SART1: variants seen among roughly 807,000 people sequenced by gnomAD.
SART1 encodes the protein U4/U6.U5 tri-snRNP-associated protein 1.
In SART1, 28 loss-of-function variants were observed where a neutral mutation model predicts 105.0. The ratio of observed to expected loss-of-function variants is 0.27; its 90% CI spans 0.20 to 0.37. The LOEUF (loss-of-function observed/expected upper bound fraction) is 0.37. SART1 is among the 10% of genes least tolerant of loss of function. The pLI is 1.00. For synonymous variants in SART1, 472 were observed against 462.9 expected, an observed-to-expected ratio of 1.02 and a Z score of -0.25; for missense variants, 894 against 1,106.5, an observed-to-expected ratio of 0.81 and a Z score of 2.72.
rs1691157132 is a variant in SART1 at position 65,978,393 on chromosome 11, A to G, written c.2173-207A>G. On this transcript the variant is annotated intron_variant, in intron 17 of 19. Transcript: ENST00000312397. The surrounding 1 kb of genome is among the most constrained non-coding windows in gnomAD (Gnocchi z 6.8). ...CCATGCTCTGCCCCCATGGCAGCGC[A>G]TCCACTAGCCAAGCTGGTCTCCCGG... 1.7e-6 allele frequency: 1 copy of G among 589,336 alleles called. No individual in the cohort carries two copies. Among genetic ancestry groups the G allele is most frequent in the African/African-American group, 1.9e-5 (1 of 53,622 alleles). 36.5% of individuals were successfully genotyped at this position (589,336 alleles called of 1,614,324 possible).
chr11:65,976,058 G>A lies in SART1; in HGVS notation c.1573-337G>A, dbSNP rs1451124880. Among the ~76,000 whole-genome samples, 1 of 152,144 alleles carries A rather than the reference G, an allele frequency of 6.6e-6. No individual in the cohort carries two copies. The highest frequency in any genetic ancestry group is 1.9e-4 in the East Asian group (1 of 5,188). Reference sequence around the variant, plus strand: ...GAAACCGGAGTTTGTCGGGGGAGGGGCAGGTGGCAGGAGGGAGCCTGGAGG... The same window carrying A: ...GAAACCGGAGTTTGTCGGGGGAGGGACAGGTGGCAGGAGGGAGCCTGGAGG... On this transcript the variant is annotated intron_variant, in intron 12 of 19. Coordinates refer to ENST00000312397, the MANE Select transcript of SART1 (RefSeq NM_005146.5). This position sits in a 1 kb window ranked among gnomAD's most constrained non-coding sequence, Gnocchi z 5.1.
chr11:65,963,994 T>C, intron 1 of SART1, 80 bp from the exon 2 acceptor site: 1 of 1,298,650 alleles, frequency 7.7e-7, no homozygotes, highest in Non-Finnish European at 1.1e-6. Context: ...GCCCTCATTT[T>C]TGTTCCTGCA....
At chr11:65,965,627 C>T in intron 5 of SART1, 75 bp from the exon 6 acceptor site, 2 of 1,494,078 alleles carry the variant, frequency 1.3e-6, no homozygotes, top group African/African-American at 1.4e-5. Flanking sequence ...TTGCACTCCG[C>T]TTGGTAGAGC....
At chr11:65,973,001 T>G (rs1855410916) in intron 12 of SART1, among the ~76,000 whole-genome samples, 1 of 151,890 alleles carries the variant, frequency 6.6e-6, no homozygotes, top group Admixed American at 6.6e-5. Context: ...AAACCCTGTC[T>G]CTACTAAAAA....
chr11:65,971,849 A>G (rs1263933147), intron 12 of SART1, among the ~76,000 whole-genome samples: 1 of 152,088 alleles, frequency 6.6e-6, no homozygotes, highest in Non-Finnish European at 1.5e-5. Context: ...TGGTTGAAGA[A>G]TTACTGGATT....
At chr11:65,968,821 G>GACA (rs1333453874) in intron 12 of SART1, among the ~76,000 whole-genome samples, 2 of 152,204 alleles carry the variant, frequency 1.3e-5, no homozygotes, top group African/African-American at 4.8e-5. Flanking sequence ...GGGGAGCCTT[G>GACA]ACCCCATGGT....
chr11:65,978,386 G>A lies in SART1; in HGVS notation c.2173-214G>A. 1.7e-6 allele frequency: 1 copy of A among 585,750 alleles called. No homozygotes were observed. Among genetic ancestry groups the A allele is most frequent in the Non-Finnish European group, 3.1e-6 (1 of 327,588 alleles). The allele number at this position is 585,750 out of a possible 1,614,324, so 36.3% of individuals were successfully genotyped here. ...AGGTTCCCCATGCTCTGCCCCCATG[G>A]CAGCGCATCCACTAGCCAAGCTGGT... is the stretch of plus-strand genomic sequence containing the variant. On this transcript the variant is annotated intron_variant, in intron 17 of 19. Transcript: ENST00000312397. This position sits in a 1 kb window ranked among gnomAD's most constrained non-coding sequence, Gnocchi z 6.8.
chr11:65,980,110 CAAAA>C lies in SART1; in HGVS notation c.*1085_*1088del, dbSNP rs35831021. Among the ~76,000 whole-genome samples, 1 of 151,142 alleles carries C rather than the reference CAAAA, an allele frequency of 6.6e-6. No individual in the cohort carries two copies. Among genetic ancestry groups the C allele is most frequent in the African/African-American group, 2.4e-5 (1 of 41,098 alleles). On this transcript the variant is annotated 3_prime_UTR_variant, in exon 20 of 20. Coordinates refer to ENST00000312397, the MANE Select transcript of SART1 (RefSeq NM_005146.5). ...CCTAGGTGACAGTCAGACCCTGTCT[CAAAA>C]AAAATAAAAAAAATTTAAAATAATC...
At chr11:65,967,848 TGCGTCAGCAGTCACCTGTCCTCACGA>T (rs1015540518) in intron 12 of SART1, 27 bp downstream of exon 12, 1 of 1,478,076 alleles carries the variant, frequency 6.8e-7, no homozygotes, top group Non-Finnish European at 9.0e-7. Flanking sequence ...GCAGGGTGAC[TGCGTCAGCAGTCACCTGTCCTCACGA>T]GCACCTGTGT....
chr11:65,976,980 G>A lies in SART1; in HGVS notation c.1858-34G>A. The A allele has an allele frequency of 3.2e-6, 5 of 1,552,938 alleles. No individual in the cohort carries two copies. The highest frequency in any genetic ancestry group is 4.4e-6 in the Non-Finnish European group (5 of 1,124,636). On this transcript the variant is annotated intron_variant, in intron 14 of 19. Transcript: ENST00000312397. This position sits in a 1 kb window ranked among gnomAD's most constrained non-coding sequence, Gnocchi z 5.1. ...GGGTGGGGCTGAGAAGAGCCGGTAT[G>A]GCCTGCTAACCACCCCCGCCACGTG...
chr11:65,966,404 C>A lies in SART1; in HGVS notation c.1036C>A (p.Pro346Thr). The A allele has an allele frequency of 6.2e-7, 1 of 1,613,954 alleles. No individual in the cohort carries two copies. Among genetic ancestry groups the A allele is most frequent in the Non-Finnish European group, 8.5e-7 (1 of 1,180,036 alleles). ...KYDEELEGERPHSFRLEQGGT... is the reference protein window; with the variant it reads ...KYDEELEGERTHSFRLEQGGT... ...TGACGAAGAGCTTGAAGGGGAGCGG[C>A]CACATTCCTTCCGCTTGGAGCAGGG... Residue 346 changes from proline (P) to threonine (T), a missense_variant, in exon 9 of 20, where the codon CCA becomes ACA. Around this residue, in one of 2 missense-constraint regions of SART1, gnomAD observed 712 missense variants for 778.2 expected, o/e 0.91. Coordinates refer to ENST00000312397, the MANE Select transcript of SART1 (RefSeq NM_005146.5).
At chr11:65,977,229 C>A in intron 15 of SART1, 128 bp downstream of exon 15, 1 of 680,266 alleles carries the variant, frequency 1.5e-6, no homozygotes, top group Non-Finnish European at 2.6e-6. Flanking sequence ...CTGTCCGGCC[C>A]AGAGCCACTC....
chr11:65,974,481 C>T (rs1486028406), intron 12 of SART1, among the ~76,000 whole-genome samples: 1 of 151,222 alleles, frequency 6.6e-6, no homozygotes, highest in Non-Finnish European at 1.5e-5. Flanking sequence ...GGTTTTGGGA[C>T]CAGCCTGGGC....
rs201529113 is a variant in SART1, at chr11:65,966,342, C to T, written c.982-8C>T. The T allele has an allele frequency of 2.9e-5, 46 of 1,614,012 alleles. No homozygotes were observed. In the Admixed American group the frequency reaches 5.8e-4, roughly 20 times the overall value. On this transcript the variant is annotated splice_region_variant and splice_polypyrimidine_tract_variant and intron_variant, in intron 8 of 19. Coordinates refer to ENST00000312397, the MANE Select transcript of SART1 (RefSeq NM_005146.5). ...CCTGGGTCCCAACCTGTACCTCTTG[C>T]CTTGCAGCAAAAACCTCGCTCTATC... is the stretch of plus-strand genomic sequence containing the variant.
At position 65,978,019 on chromosome 11, in the gene SART1, GGGGCC is replaced by G; in HGVS notation, c.2172+121_2172+125del. On this transcript the variant is annotated intron_variant, in intron 17 of 19. Transcript: ENST00000312397. This position sits in a 1 kb window ranked among gnomAD's most constrained non-coding sequence, Gnocchi z 6.8. Reference sequence around the variant, plus strand: ...TCCTGGCTCCACCAGCCTCTGGCTGGGGGCCTGGTGAATGCCACGGATGGGGAGGG... The same window carrying G: ...TCCTGGCTCCACCAGCCTCTGGCTGGTGGTGAATGCCACGGATGGGGAGGG... The G allele has an allele frequency of 8.7e-7, 1 of 1,143,246 alleles. No individual in the cohort carries two copies. The highest frequency in any genetic ancestry group is 1.2e-6 in the Non-Finnish European group (1 of 814,156). The allele number at this position is 1,143,246 out of a possible 1,614,324, so 70.8% of individuals were successfully genotyped here. A position where few individuals can be genotyped will look rare whatever the true frequency, so the allele number is the denominator to read the frequency against.
rs762901541 is a variant in SART1, at chr11:65,978,888, C to G, written c.2358C>G (p.Leu786=). The G allele has an allele frequency of 1.2e-6, 2 of 1,614,036 alleles. No individual in the cohort carries two copies. The highest frequency in any genetic ancestry group is 1.1e-5 in the South Asian group (1 of 91,084). ...QKAQKTPYIV[L]SGSGKSMNAN... is the part of the protein sequence containing the mutation. ...CTCAGAAGACCCCCTACATCGTGCT[C>G]AGCGGCAGCGGCAAGAGCATGAACG... Residue 786 remains leucine, a synonymous_variant, in exon 19 of 20, where the codon CTC becomes CTG. Transcript: ENST00000312397. This position sits in a 1 kb window ranked among gnomAD's most constrained non-coding sequence, Gnocchi z 6.8.
rs1226033536 is a variant in SART1, at chr11:65,978,724, C to T, written c.2262+35C>T. Reference sequence around the variant, plus strand: ...CTTGGGGATGTGGGGGGCCCTGTGCCTGCCGGGGCAGGGGTGGCTGGTGTG... The same window carrying T: ...CTTGGGGATGTGGGGGGCCCTGTGCTTGCCGGGGCAGGGGTGGCTGGTGTG... On this transcript the variant is annotated intron_variant, in intron 18 of 19. Coordinates refer to ENST00000312397, the MANE Select transcript of SART1 (RefSeq NM_005146.5). This position sits in a 1 kb window ranked among gnomAD's most constrained non-coding sequence, Gnocchi z 6.8. 3 of 1,613,668 alleles carry T rather than the reference C, an allele frequency of 1.9e-6. No homozygotes were observed. Among genetic ancestry groups the T allele is most frequent in the Admixed American group, 1.7e-5 (1 of 59,996 alleles).
rs771383323 is a variant in SART1, at chr11:65,978,570, T to C, written c.2173-30T>C. ...GTGGCTCCGGCCCCACCCAGGGCCCTGCATCTCCTCTCATGCCCCGCGTCC... is the reference window on the plus strand; with the variant it reads ...GTGGCTCCGGCCCCACCCAGGGCCCCGCATCTCCTCTCATGCCCCGCGTCC... On this transcript the variant is annotated intron_variant, in intron 17 of 19. Coordinates refer to ENST00000312397, the MANE Select transcript of SART1 (RefSeq NM_005146.5). The surrounding 1 kb of genome is among the most constrained non-coding windows in gnomAD (Gnocchi z 6.8). 55 of 1,550,254 alleles carry C rather than the reference T, an allele frequency of 3.5e-5. 1 individual carries two copies. Among genetic ancestry groups the C allele is most frequent in the Non-Finnish European group, 3.1e-5 (35 of 1,146,740 alleles).
chr11:65,979,032 A>G lies in SART1; in HGVS notation c.*2A>G, dbSNP rs1388870189. 6.2e-7 allele frequency: 1 copy of G among 1,613,860 alleles called. No homozygotes were observed. The highest frequency in any genetic ancestry group is 8.5e-7 in the Non-Finnish European group (1 of 1,179,974). On this transcript the variant is annotated 3_prime_UTR_variant, in exon 20 of 20. Coordinates refer to ENST00000312397, the MANE Select transcript of SART1 (RefSeq NM_005146.5). ...TGCAGGAACACCATCACCAAGTGAC[A>G]GCGCCCTCCCGCCCCGGCCCTGCCT...
Sources: allele counts gnomAD v4.1 joint callset (sites outside exome capture counted in the v4.1 genomes callset), GRCh38; gene constraint gnomAD v4.1.1; regional missense constraint gnomAD v4.1.1; non-coding constraint Gnocchi (gnomAD v3.1); transcripts MANE v1.5; gene names NCBI Gene and HGNC (gene_info 2026-07-23, HGNC 2026-07-21).